Variants in NPAS3 observed in about 807,000 individuals in gnomAD.
The protein encoded by NPAS3 is neuronal PAS domain-containing protein 3.
Under a neutral mutation model 73.1 loss-of-function variants are expected in NPAS3, and 14 were observed. The observed-to-expected ratio is 0.19, with a 90% CI of 0.13 to 0.30. The LOEUF is 0.30. Among genes scored for constraint, NPAS3 ranks in the 10% least tolerant of loss-of-function variants. The pLI is 1.00. For synonymous variants in NPAS3, 620 were observed against 541.5 expected (o/e 1.14, Z -2.01); for missense variants, 1,096 against 1,250.0 (o/e 0.88, Z 1.86).
intron 3 of NPAS3, among the ~76,000 whole-genome samples, chr14:33,232,442 G>A (rs2047886066): frequency 6.6e-6 from 1 of 152,144 alleles, no homozygotes; most frequent in South Asian, 2.1e-4. Flanking sequence ...TTCATAATTT[G>A]ACATTCTACT....
chr14:33,051,134 C>T (rs1292609748), intron 1 of NPAS3, among the ~76,000 whole-genome samples: 2 of 151,132 alleles, frequency 1.3e-5, no homozygotes, highest in African/African-American at 4.9e-5. Context: ...ATTAGCCGGG[C>T]GCGGTGGCGG....
At chr14:32,992,927 G>A (rs2038394351) in intron 1 of NPAS3, among the ~76,000 whole-genome samples, 1 of 152,096 alleles carries the variant, frequency 6.6e-6, no homozygotes, top group Non-Finnish European at 1.5e-5. Flanking sequence ...GGCCAAGGCA[G>A]GTGAATCACC....
intron 6 of NPAS3, among the ~76,000 whole-genome samples, chr14:33,733,034 G>A (rs191273748): frequency 1.2e-4 from 19 of 152,230 alleles, no homozygotes; most frequent in Non-Finnish European, 7.4e-5. Context: ...CTGGGTCAGG[G>A]GCTCCAGGAC....
intron 4 of NPAS3, among the ~76,000 whole-genome samples, chr14:33,478,418 A>C (rs1232473569): frequency 1.3e-5 from 2 of 152,334 alleles, no homozygotes; most frequent in South Asian, 2.1e-4. Context: ...CAGGATTTAC[A>C]ACCAACCATT....
intron 4 of NPAS3, among the ~76,000 whole-genome samples, chr14:33,557,224 G>T (rs547278977): frequency 6.6e-6 from 1 of 152,180 alleles, no homozygotes; most frequent in Non-Finnish European, 1.5e-5. Context: ...AGACTGCAGA[G>T]GGTTTGGCAG....
At chr14:33,587,157 T>G (rs917499838) in intron 5 of NPAS3, among the ~76,000 whole-genome samples, 2 of 152,234 alleles carry the variant, frequency 1.3e-5, no homozygotes, top group Non-Finnish European at 2.9e-5. Context: ...GTGCCCTTTA[T>G]TCTTCTCCCA....
intron 3 of NPAS3, among the ~76,000 whole-genome samples, chr14:33,332,609 G>A (rs747555174): frequency 5.3e-5 from 8 of 152,162 alleles, no homozygotes; most frequent in African/African-American, 9.7e-5. Flanking sequence ...AACCACAGGC[G>A]TATGAATCTC....
intron 2 of NPAS3, among the ~76,000 whole-genome samples, chr14:33,114,283 C>A (rs548500947): frequency 1.1e-4 from 16 of 152,262 alleles, no homozygotes; most frequent in Admixed American, 8.5e-4. Context: ...GATCCACCCC[C>A]CTTTGGCCTC....
At chr14:33,676,482 A>T in intron 6 of NPAS3, 97 bp downstream of exon 6, 1 of 998,644 alleles carries the variant, frequency 1.0e-6, no homozygotes. Flanking sequence ...AAATAGGTCT[A>T]AGGGTATTTA....
intron 5 of NPAS3, among the ~76,000 whole-genome samples, chr14:33,672,003 T>G (rs1198100847): frequency 6.6e-6 from 1 of 152,208 alleles, no homozygotes; most frequent in Non-Finnish European, 1.5e-5. Flanking sequence ...TTCTCTAAAT[T>G]TCTACTATTG....
At chr14:33,738,038 G>A (rs1276005003) in intron 7 of NPAS3, among the ~76,000 whole-genome samples, 1 of 152,130 alleles carries the variant, frequency 6.6e-6, no homozygotes, top group Admixed American at 6.6e-5. Context: ...TGTCGTCATA[G>A]GAACAAAAGT....
intron 1 of NPAS3, among the ~76,000 whole-genome samples, chr14:32,940,512 A>G (rs1051112883): frequency 1.3e-5 from 2 of 152,234 alleles, no homozygotes; most frequent in Non-Finnish European, 2.9e-5. Flanking sequence ...CTGTCTCCGA[A>G]GAGGAAAGGC....
At position 33,017,940 on chromosome 14, in the gene NPAS3, C is replaced by T. The variant is rs1236784092; in HGVS notation, c.51-37965C>T. ...ATTTGTACTTTTATTAAATCATTTCCATAAAATTGATCTAAATGTTTTAGT... is the reference window on the plus strand; with the variant it reads ...ATTTGTACTTTTATTAAATCATTTCTATAAAATTGATCTAAATGTTTTAGT... On this transcript the variant is annotated intron_variant, in intron 1 of 11. Coordinates refer to ENST00000356141, the Ensembl canonical transcript of NPAS3. Among the ~76,000 whole-genome samples the T allele has an allele frequency of 2.0e-5, 3 of 151,958 alleles. 1 individual carries two copies. Among genetic ancestry groups the T allele is most frequent in the Admixed American group, 2.0e-4 (3 of 15,246 alleles).
chr14:33,650,834 G>A (rs1213262436), intron 5 of NPAS3, among the ~76,000 whole-genome samples: 6 of 152,184 alleles, frequency 3.9e-5, no homozygotes, highest in Non-Finnish European at 4.4e-5. Context: ...CTCGTGGTGA[G>A]CCCCTCAAAG....
chr14:33,055,802 TA>T, intron 1 of NPAS3, 102 bp from the exon 2 acceptor site: 1 of 574,396 alleles, frequency 1.7e-6, no homozygotes. Context: ...CTCAAAAGCG[TA>T]AAAAGCAAAA....
At chr14:33,410,481 A>G (rs575942459) in intron 4 of NPAS3, among the ~76,000 whole-genome samples, 1 of 152,302 alleles carries the variant, frequency 6.6e-6, no homozygotes, top group South Asian at 2.1e-4. Flanking sequence ...CTTTGGATTA[A>G]TAACTAGAAT....
chr14:33,698,638 C>T (rs181828266), intron 6 of NPAS3, among the ~76,000 whole-genome samples: 1 of 152,218 alleles, frequency 6.6e-6, no homozygotes, highest in Non-Finnish European at 1.5e-5. Context: ...ATACCCTCCC[C>T]TAAACGTTAG....
chr14:33,162,500 T>C (rs1438166209), intron 2 of NPAS3, among the ~76,000 whole-genome samples: 1 of 152,226 alleles, frequency 6.6e-6, no homozygotes, highest in Non-Finnish European at 1.5e-5. Flanking sequence ...TAAAGCTAAA[T>C]ACAATTTATT....
At chr14:33,124,248 A>G (rs2043345497) in intron 2 of NPAS3, among the ~76,000 whole-genome samples, 1 of 152,054 alleles carries the variant, frequency 6.6e-6, no homozygotes, top group African/African-American at 2.4e-5. Context: ...ATCAGAGTAG[A>G]TGCTTGGAGT....
Sources: allele counts gnomAD v4.1 joint callset (sites outside exome capture counted in the v4.1 genomes callset), GRCh38; gene constraint gnomAD v4.1.1; transcripts MANE v1.5; gene names NCBI Gene and HGNC (gene_info 2026-07-23, HGNC 2026-07-21).